The following OPCML variants were observed in gnomAD, a reference collection of about 807,000 sequenced individuals.
OPCML encodes opioid binding protein/cell adhesion molecule like, also known as opioid-binding protein/cell adhesion molecule.
Under a neutral mutation model 37.8 loss-of-function variants are expected in OPCML, and 13 were observed. That is an observed-to-expected ratio of 0.34 (90% confidence interval 0.22 to 0.55). The LOEUF (loss-of-function observed/expected upper bound fraction) is 0.55. Among genes scored for constraint, OPCML ranks in the 20% least tolerant of loss-of-function variants. The probability of loss-of-function intolerance (pLI) is 0.91; values close to 1 mark genes in which losing one functional copy is unlikely to be tolerated. For missense variants in OPCML, 341 were observed against 435.6 expected, an observed-to-expected ratio of 0.78 and a Z score of 1.93; for synonymous variants, 176 against 168.8, an observed-to-expected ratio of 1.04 and a Z score of -0.33.
chr11:132,712,047 T>C (rs181219089), intron 2 of OPCML, among the ~76,000 whole-genome samples: 182 of 152,278 alleles, frequency 1.2e-3, no homozygotes, highest in African/African-American at 4.3e-3. Context: ...AGTGTCTACC[T>C]GTCATATTCC....
chr11:132,622,063 A>G (rs1422174702), intron 3 of OPCML, among the ~76,000 whole-genome samples: 9 of 152,204 alleles, frequency 5.9e-5, no homozygotes, highest in African/African-American at 1.9e-4. Context: ...ACAAACATTT[A>G]GGCCAAAATA....
At chr11:133,187,637 C>T (rs746493931) in intron 1 of OPCML, among the ~76,000 whole-genome samples, 54 of 152,122 alleles carry the variant, frequency 3.5e-4, no homozygotes, top group Non-Finnish European at 6.8e-4. Context: ...GAGGCTGGGA[C>T]TTGAAGTCCC....
At chr11:132,811,817 A>G (rs1939360170) in intron 2 of OPCML, among the ~76,000 whole-genome samples, 1 of 152,224 alleles carries the variant, frequency 6.6e-6, no homozygotes, top group Non-Finnish European at 1.5e-5. Context: ...GTTTAAAAGC[A>G]TAAAAACCAT....
chr11:133,488,329 T>C (rs1402195115), intron 1 of OPCML, among the ~76,000 whole-genome samples: 2 of 152,140 alleles, frequency 1.3e-5, no homozygotes, highest in Admixed American at 6.5e-5. Context: ...ACATTATCCT[T>C]GTTCAATGAT....
At chr11:133,053,490 C>T (rs1217074621) in intron 1 of OPCML, among the ~76,000 whole-genome samples, 1 of 152,214 alleles carries the variant, frequency 6.6e-6, no homozygotes, top group African/African-American at 2.4e-5. Flanking sequence ...TTTCCATCCA[C>T]TCCAGTCAGG....
intron 1 of OPCML, among the ~76,000 whole-genome samples, chr11:132,973,286 C>T (rs1309510773): frequency 1.3e-5 from 2 of 152,158 alleles, no homozygotes; most frequent in South Asian, 2.1e-4. Flanking sequence ...TTGTTCCCTT[C>T]CACCTCCAAA....
chr11:132,964,684 C>T (rs76091377), intron 1 of OPCML, among the ~76,000 whole-genome samples: 3 of 152,184 alleles, frequency 2.0e-5, no homozygotes, highest in Admixed American at 1.3e-4. Context: ...AACGTCCACT[C>T]CTCCGTGACC....
At chr11:132,536,908 G>A (rs930260876) in intron 3 of OPCML, among the ~76,000 whole-genome samples, 15 of 152,186 alleles carry the variant, frequency 9.9e-5, no homozygotes, top group African/African-American at 3.6e-4. Flanking sequence ...TCTGGCTAGA[G>A]CTGTATGTGC....
intron 1 of OPCML, among the ~76,000 whole-genome samples, chr11:133,264,757 G>A (rs1457477426): frequency 2.8e-5 from 3 of 108,172 alleles, no homozygotes; most frequent in Non-Finnish European, 3.9e-5. Context: ...AATACACACA[G>A]CGGTTTTTAA....
At chr11:132,821,944 G>A (rs1355769980) in intron 2 of OPCML, among the ~76,000 whole-genome samples, 4 of 152,186 alleles carry the variant, frequency 2.6e-5, no homozygotes, top group African/African-American at 9.7e-5. Context: ...TAATTACAAG[G>A]TGTGAGTGGA....
intron 1 of OPCML, among the ~76,000 whole-genome samples, chr11:133,254,921 AG>A (rs1401525019): frequency 6.6e-6 from 1 of 152,204 alleles, no homozygotes. Flanking sequence ...GTTCAAAAAA[AG>A]GGAAGAATCG....
chr11:133,241,267 T>C (rs1002980679), intron 1 of OPCML, among the ~76,000 whole-genome samples: 1 of 152,248 alleles, frequency 6.6e-6, no homozygotes, highest in Non-Finnish European at 1.5e-5. Context: ...AACTATTTTC[T>C]ATCACTTCCA....
At chr11:133,251,265 G>A (rs1364861716) in intron 1 of OPCML, among the ~76,000 whole-genome samples, 2 of 152,086 alleles carry the variant, frequency 1.3e-5, no homozygotes, top group African/African-American at 4.8e-5. Context: ...TCAAACGGGA[G>A]CCATTTTATA....
At chr11:132,533,166 T>A (rs2096330778) in intron 3 of OPCML, among the ~76,000 whole-genome samples, 1 of 152,226 alleles carries the variant, frequency 6.6e-6, no homozygotes, top group Non-Finnish European at 1.5e-5. Flanking sequence ...GTGTGTTATC[T>A]GTGCAGACGC....
intron 1 of OPCML, among the ~76,000 whole-genome samples, chr11:132,988,909 A>G (rs1384590881): frequency 6.6e-6 from 1 of 152,220 alleles, no homozygotes; most frequent in Non-Finnish European, 1.5e-5. Flanking sequence ...AAATGGGCAA[A>G]ATAAATGAAC....
intron 2 of OPCML, among the ~76,000 whole-genome samples, chr11:132,869,338 C>T (rs555001922): frequency 6.6e-6 from 1 of 152,308 alleles, no homozygotes; most frequent in East Asian, 1.9e-4. Context: ...ACCCCGCCTC[C>T]TCCTTCCCAC....
At chr11:132,876,621 TTATTC>T (rs1412040619) in intron 2 of OPCML, among the ~76,000 whole-genome samples, 5 of 152,206 alleles carry the variant, frequency 3.3e-5, no homozygotes, top group African/African-American at 1.2e-4. Flanking sequence ...TTTTCCTGGC[TTATTC>T]TATTAAGCAG....
intron 4 of OPCML, among the ~76,000 whole-genome samples, chr11:132,519,831 G>C (rs1298106947): frequency 1.3e-5 from 2 of 152,122 alleles, no homozygotes; most frequent in African/African-American, 4.8e-5. Flanking sequence ...TAGAAACAAG[G>C]CTCCTAGCTG....
intron 1 of OPCML, among the ~76,000 whole-genome samples, chr11:133,133,409 C>T (rs1172221276): frequency 2.6e-5 from 4 of 152,158 alleles, no homozygotes; most frequent in African/African-American, 7.2e-5. Flanking sequence ...TAAACATTTT[C>T]GTTTCTTCCA....
Sources: allele counts gnomAD v4.1 joint callset (sites outside exome capture counted in the v4.1 genomes callset), GRCh38; gene constraint gnomAD v4.1.1; transcripts MANE v1.5; gene names NCBI Gene and HGNC (gene_info 2026-07-23, HGNC 2026-07-21).